The following AFAP1L1 variants were observed in gnomAD, a reference collection of about 807,000 sequenced individuals.
The protein encoded by AFAP1L1 is actin filament associated protein 1 like 1.
Under a neutral mutation model 99.8 loss-of-function variants are expected in AFAP1L1, and 77 were observed. That is an observed-to-expected ratio of 0.77 (90% CI 0.64 to 0.93). The LOEUF (loss-of-function observed/expected upper bound fraction) is 0.93, where lower values mean the gene tolerates loss of function less well. Among genes scored for constraint, AFAP1L1 ranks in the 40% least tolerant of loss-of-function variants. AFAP1L1 has a pLI of 0.00. For synonymous variants in AFAP1L1, 373 were observed against 395.3 expected, an observed-to-expected ratio of 0.94 and a Z score of 0.67; for missense variants, 893 against 996.8, an observed-to-expected ratio of 0.90 and a Z score of 1.40.
intron 5 of AFAP1L1, 29 bp from the exon 6 acceptor site, chr5:149,306,277 A>G: frequency 1.3e-6 from 2 of 1,589,714 alleles, no homozygotes; most frequent in African/African-American, 1.3e-5. Flanking sequence ...GCATTTCTCC[A>G]AAGTGCAGCT....
chr5:149,291,298 G>A (rs1755845058), intron 1 of AFAP1L1, among the ~76,000 whole-genome samples: 1 of 151,730 alleles, frequency 6.6e-6, no homozygotes, highest in South Asian at 2.1e-4. Context: ...GGAGGCTGAG[G>A]TGGGCAGATC....
chr5:149,316,005 T>C lies in AFAP1L1; in HGVS notation c.1114+91T>C. On this transcript the variant is annotated intron_variant, in intron 10 of 18. Transcript: ENST00000296721. ...ACAGCGGCAGAGCAGGTTCTGACCA[T>C]TCTGTAGACCTGGGTAAGGTGACCT... is the stretch of plus-strand genomic sequence containing the variant. 21 of 1,587,982 alleles carry C rather than the reference T, an allele frequency of 1.3e-5. No homozygotes were observed. In the South Asian group the frequency reaches 2.2e-4, roughly 17 times the overall value.
At position 149,329,741 on chromosome 5, in the gene AFAP1L1, T is replaced by A; in HGVS notation, c.1886T>A (p.Leu629Gln). The stretch of plus-strand genomic sequence containing the variant: ...AGGTACTTGGTAGAAAAAGAGAAGC[T>A]GGAGAAAGAGAAAGAGACGATTCGG... ...ARRYLVEKEK[L>Q]EKEKETIRTE... Residue 629 changes from leucine (L) to glutamine (Q), a missense_variant, in exon 16 of 19, where the codon CTG (leucine) becomes CAG (glutamine). Transcript: ENST00000296721. 6.2e-7 allele frequency: 1 copy of A among 1,613,914 alleles called. No individual in the cohort carries two copies. The highest frequency in any genetic ancestry group is 8.5e-7 in the Non-Finnish European group (1 of 1,179,970).
intron 1 of AFAP1L1, among the ~76,000 whole-genome samples, chr5:149,290,165 A>G (rs1364007189): frequency 2.6e-5 from 4 of 152,220 alleles, no homozygotes; most frequent in South Asian, 2.1e-4. Context: ...CCCGGGAGGC[A>G]GAGGTTGCAG....
chr5:149,304,728 C>T (rs966101371), intron 5 of AFAP1L1, among the ~76,000 whole-genome samples: 1 of 151,570 alleles, frequency 6.6e-6, no homozygotes, highest in Non-Finnish European at 1.5e-5. Context: ...TCACACCTGA[C>T]CCCCCCGTTC....
chr5:149,300,621 G>A (rs1756172663), intron 3 of AFAP1L1, among the ~76,000 whole-genome samples: 1 of 152,214 alleles, frequency 6.6e-6, no homozygotes, highest in Non-Finnish European at 1.5e-5. Context: ...TTTCCTCACC[G>A]GCCACTCCCA....
In AFAP1L1 at chr5:149,272,001, C is replaced by T; in HGVS notation, c.16+17C>T. On this transcript the variant is annotated intron_variant, in intron 1 of 18. Coordinates refer to ENST00000296721, the MANE Select transcript of AFAP1L1 (RefSeq NM_152406.4). ...GAGGCCAGGGTAAGAGGGGCCGCGACGCCCGCACTTGTTGCGGCGCCGGGC... is the reference window on the plus strand; with the variant it reads ...GAGGCCAGGGTAAGAGGGGCCGCGATGCCCGCACTTGTTGCGGCGCCGGGC... The T allele has an allele frequency of 8.1e-7, 1 of 1,239,076 alleles. No individual in the cohort carries two copies. The allele number at this position is 1,239,076 out of a possible 1,614,324, so 76.8% of individuals were successfully genotyped here. A position where few individuals can be genotyped will look rare whatever the true frequency, so the allele number is the denominator to read the frequency against.
chr5:149,308,968 A>G (rs1756524523), intron 7 of AFAP1L1, among the ~76,000 whole-genome samples: 1 of 151,540 alleles, frequency 6.6e-6, no homozygotes. Context: ...TTAATTAGCC[A>G]GGCATAGTGG....
At chr5:149,288,847 G>A (rs923027948) in intron 1 of AFAP1L1, among the ~76,000 whole-genome samples, 2 of 152,174 alleles carry the variant, frequency 1.3e-5, no homozygotes, top group African/African-American at 4.8e-5. Flanking sequence ...TCCTGGTGGA[G>A]GACAAGAACC....
chr5:149,282,561 G>T (rs1204387771), intron 1 of AFAP1L1, among the ~76,000 whole-genome samples: 4 of 152,192 alleles, frequency 2.6e-5, no homozygotes, highest in African/African-American at 9.6e-5. Flanking sequence ...GCAAAATCTG[G>T]CCTGCTACCT....
intron 3 of AFAP1L1, 66 bp from the exon 4 acceptor site, chr5:149,301,067 C>G: frequency 6.9e-7 from 1 of 1,458,626 alleles, no homozygotes; most frequent in Non-Finnish European, 9.5e-7. Flanking sequence ...CCAAATCCAG[C>G]CCTCTTCCCC....
chr5:149,291,022 G>A (rs1755837028), intron 1 of AFAP1L1, among the ~76,000 whole-genome samples: 1 of 152,212 alleles, frequency 6.6e-6, no homozygotes, highest in African/African-American at 2.4e-5. Flanking sequence ...CACAGGGAGA[G>A]ATACTTGATG....
intron 5 of AFAP1L1, among the ~76,000 whole-genome samples, chr5:149,303,524 G>A (rs17642472): frequency 0.06 from 9,129 of 152,274 alleles, 287 homozygotes; most frequent in Middle Eastern, 0.085. Context: ...CTGTCATTCA[G>A]TAGCACAGTG....
At chr5:149,296,838 G>T (rs555445092) in intron 1 of AFAP1L1, among the ~76,000 whole-genome samples, 1 of 152,114 alleles carries the variant, frequency 6.6e-6, no homozygotes, top group Non-Finnish European at 1.5e-5. Flanking sequence ...ATCATGGCTG[G>T]GGAGGCCTCA....
At chr5:149,339,921 A>G in intron 18 of AFAP1L1, 86 bp from the exon 19 acceptor site, 1 of 1,491,058 alleles carries the variant, frequency 6.7e-7, no homozygotes, top group Non-Finnish European at 9.3e-7. Flanking sequence ...GGAGATCTTC[A>G]TCTAACTAGG....
At chr5:149,296,178 C>A (rs995834145) in intron 1 of AFAP1L1, among the ~76,000 whole-genome samples, 1 of 152,140 alleles carries the variant, frequency 6.6e-6, no homozygotes, top group African/African-American at 2.4e-5. Context: ...GGACTACAGG[C>A]ACATGCCACC....
Position 149,271,955 on chromosome 5 carries a change from A to C in AFAP1L1, c.-14A>C. ...GCGCCCTGCGGCCCGCTCCCCGGGG[A>C]CCGGGCCGGCGCCATGGACCGAGGC... On this transcript the variant is annotated 5_prime_UTR_variant, in exon 1 of 19. Coordinates refer to ENST00000296721, the MANE Select transcript of AFAP1L1 (RefSeq NM_152406.4). 41 of 1,224,032 alleles carry C rather than the reference A, an allele frequency of 3.3e-5. No homozygotes were observed. The highest frequency in any genetic ancestry group is 3.2e-5 in the East Asian group (1 of 31,172). 75.8% of individuals were successfully genotyped at this position (1,224,032 alleles called of 1,614,324 possible). A position where few individuals can be genotyped will look rare whatever the true frequency, so the allele number is the denominator to read the frequency against.
At chr5:149,272,764 G>A (rs1307487495) in intron 1 of AFAP1L1, among the ~76,000 whole-genome samples, 1 of 151,332 alleles carries the variant, frequency 6.6e-6, no homozygotes, top group Non-Finnish European at 1.5e-5. Flanking sequence ...GTGAAGTGGC[G>A]CGATCTTGGC....
At chr5:149,288,523 C>T (rs1441874979) in intron 1 of AFAP1L1, among the ~76,000 whole-genome samples, 7 of 152,218 alleles carry the variant, frequency 4.6e-5, no homozygotes, top group South Asian at 2.1e-4. Context: ...TGCTTCCCCA[C>T]GCCATTGGTG....
Sources: allele counts gnomAD v4.1 joint callset (sites outside exome capture counted in the v4.1 genomes callset), GRCh38; gene constraint gnomAD v4.1.1; transcripts MANE v1.5; gene names NCBI Gene and HGNC (gene_info 2026-07-23, HGNC 2026-07-21).